CSMD1: variants seen among roughly 807,000 people sequenced by gnomAD.
The protein encoded by CSMD1 is CUB and Sushi multiple domains 1, also known as CUB and sushi domain-containing protein 1.
In CSMD1, 213 loss-of-function variants were observed where a neutral mutation model predicts 417.5. The ratio of observed to expected loss-of-function variants is 0.51; its 90% CI spans 0.46 to 0.57. The LOEUF (loss-of-function observed/expected upper bound fraction) is 0.57, where lower values mean the gene tolerates loss of function less well. CSMD1 is among the 20% of genes least tolerant of loss of function. The probability of loss-of-function intolerance (pLI) is 0.00; values close to 1 mark genes in which losing one functional copy is unlikely to be tolerated. For missense variants in CSMD1, 6,923 were observed against 4,529.7 expected (o/e 1.53, Z -15.17); for synonymous variants, 2,862 against 1,736.8 (o/e 1.65, Z -16.11).
intron 1 of CSMD1, among the ~76,000 whole-genome samples, chr8:4,651,035 C>T (rs886133458): frequency 6.6e-6 from 1 of 152,000 alleles, no homozygotes; most frequent in Non-Finnish European, 1.5e-5. Flanking sequence ...ATTCACTGAT[C>T]AAAGCAGTAC....
At chr8:3,222,604 T>C (rs1349177939) in intron 28 of CSMD1, among the ~76,000 whole-genome samples, 3 of 152,186 alleles carry the variant, frequency 2.0e-5, no homozygotes, top group African/African-American at 7.2e-5. Context: ...CCACCATGCC[T>C]GGCTTCAACT....
In CSMD1 at chr8:3,661,700, T is replaced by C. The variant is rs145594030; in HGVS notation, c.1010-44903A>G. Among the ~76,000 whole-genome samples, 105 of 152,262 alleles carry C rather than the reference T, an allele frequency of 6.9e-4. 1 individual carries two copies. The highest frequency in any genetic ancestry group is 2.3e-3 in the African/African-American group (96 of 41,560). On this transcript the variant is annotated intron_variant, in intron 7 of 69. Coordinates refer to ENST00000635120, the MANE Select transcript of CSMD1 (RefSeq NM_033225.6). ...TTAGTAGAGACGGGATTTCACCATG[T>C]TGGTCAGGCTAGTCTCGAACTCCTG...
intron 3 of CSMD1, among the ~76,000 whole-genome samples, chr8:4,044,589 A>C (rs760761597): frequency 3.7e-4 from 57 of 152,320 alleles, no homozygotes; most frequent in Admixed American, 1.3e-3. Flanking sequence ...AAGGATAATT[A>C]AATCCGGGTC....
In CSMD1 at chr8:4,751,688, C is replaced by T. The variant is rs531941247; in HGVS notation, c.86-114130G>A. Among the ~76,000 whole-genome samples the T allele has an allele frequency of 1.5e-4, 23 of 152,196 alleles. No homozygotes were observed. In the South Asian group the frequency reaches 4.6e-3, roughly 30 times the overall value. ...TTTAACATTTTTAATGGTCAGCTAC[C>T]CTTTCTCTGAAACACAGACCAATTT... On this transcript the variant is annotated intron_variant, in intron 1 of 69. Coordinates refer to ENST00000635120, the MANE Select transcript of CSMD1 (RefSeq NM_033225.6).
At chr8:4,943,374 T>C (rs1236421317) in intron 1 of CSMD1, among the ~76,000 whole-genome samples, 1 of 151,916 alleles carries the variant, frequency 6.6e-6, no homozygotes, top group Non-Finnish European at 1.5e-5. Context: ...TGGACGCCTG[T>C]AGTCCCAGTT....
In CSMD1 at chr8:3,343,401, T is replaced by C; in HGVS notation, c.3524A>G (p.Lys1175Arg). ...TAGGATCAGCCCCAGAAGTTCATTT[T>C]TAGTGAACGTGCCCAGTGGACGTGA... is the stretch of plus-strand genomic sequence containing the variant. ...SSSRPLGTFT[K>R]NELLGLILNS... Residue 1175 changes from lysine to arginine, a missense_variant, in exon 23 of 70, where the codon AAA becomes AGA. Physicochemically the swap from Lys to Arg is conservative, Grantham distance 26. Coordinates refer to ENST00000635120, the MANE Select transcript of CSMD1 (RefSeq NM_033225.6). The C allele has an allele frequency of 6.2e-7, 1 of 1,613,852 alleles. No homozygotes were observed. Among genetic ancestry groups the C allele is most frequent in the Non-Finnish European group, 8.5e-7 (1 of 1,179,766 alleles).
intron 9 of CSMD1, among the ~76,000 whole-genome samples, chr8:3,583,815 A>G (rs1450286905): frequency 6.6e-6 from 1 of 152,046 alleles, no homozygotes; most frequent in Non-Finnish European, 1.5e-5. Flanking sequence ...AGGTCAGAAC[A>G]CAAGTATTAG....
intron 3 of CSMD1, among the ~76,000 whole-genome samples, chr8:4,114,862 C>G (rs1802049960): frequency 6.6e-6 from 1 of 152,138 alleles, no homozygotes; most frequent in South Asian, 2.1e-4. Flanking sequence ...GCTGCAATCT[C>G]ATGATAAAAC....
intron 4 of CSMD1, among the ~76,000 whole-genome samples, chr8:4,021,460 T>C (rs896535766): frequency 6.6e-6 from 1 of 152,168 alleles, no homozygotes; most frequent in African/African-American, 2.4e-5. Flanking sequence ...ACCTGGCTTT[T>C]GTTGGTTAAG....
chr8:4,490,440 A>C (rs1017860270), intron 2 of CSMD1, among the ~76,000 whole-genome samples: 3 of 152,162 alleles, frequency 2.0e-5, no homozygotes, highest in Non-Finnish European at 4.4e-5. Flanking sequence ...ATTGGTTTTA[A>C]CTTTTAGTTT....
At chr8:4,466,625 T>C (rs1163734680) in intron 2 of CSMD1, among the ~76,000 whole-genome samples, 5 of 152,214 alleles carry the variant, frequency 3.3e-5, no homozygotes, top group African/African-American at 7.2e-5. Flanking sequence ...GTTCAATTTT[T>C]TGACTTTATT....
At chr8:4,624,229 C>T (rs922760225) in intron 2 of CSMD1, among the ~76,000 whole-genome samples, 2 of 152,094 alleles carry the variant, frequency 1.3e-5, no homozygotes, top group African/African-American at 2.4e-5. Flanking sequence ...CCCCTGATAA[C>T]GTGCAAGTAC....
chr8:3,380,275 T>A, intron 18 of CSMD1, among the ~76,000 whole-genome samples: 1 of 152,118 alleles, frequency 6.6e-6, no homozygotes, highest in East Asian at 1.9e-4. Flanking sequence ...ACAGGAACAC[T>A]TTTACACTGT....
At chr8:4,013,438 T>C (rs1796373832) in intron 4 of CSMD1, among the ~76,000 whole-genome samples, 1 of 152,126 alleles carries the variant, frequency 6.6e-6, no homozygotes, top group African/African-American at 2.4e-5. Flanking sequence ...ATTCCGGTTT[T>C]CTACTATCAG....
At chr8:4,100,452 T>TTA (rs1315322680) in intron 3 of CSMD1, among the ~76,000 whole-genome samples, 1 of 152,154 alleles carries the variant, frequency 6.6e-6, no homozygotes, top group East Asian at 1.9e-4. Flanking sequence ...CACTATCCTT[T>TTA]TATCTCCAAA....
At chr8:3,675,756 G>C (rs971633993) in intron 7 of CSMD1, among the ~76,000 whole-genome samples, 1 of 152,150 alleles carries the variant, frequency 6.6e-6, no homozygotes, top group East Asian at 1.9e-4. Flanking sequence ...TCTCAAAACT[G>C]TGAGAAATAT....
chr8:4,718,513 T>G (rs1808837033), intron 1 of CSMD1, among the ~76,000 whole-genome samples: 2 of 152,074 alleles, frequency 1.3e-5, no homozygotes, highest in African/African-American at 4.8e-5. Context: ...CGCTGTCAAT[T>G]AATATTTTAC....
chr8:4,340,365 A>G (rs779236525), intron 3 of CSMD1, among the ~76,000 whole-genome samples: 2 of 152,014 alleles, frequency 1.3e-5, no homozygotes, highest in Non-Finnish European at 2.9e-5. Context: ...CACCCTAGTT[A>G]AAAATGTAGA....
chr8:3,919,763 G>A (rs1178908854), intron 5 of CSMD1, among the ~76,000 whole-genome samples: 1 of 152,028 alleles, frequency 6.6e-6, no homozygotes, highest in Non-Finnish European at 1.5e-5. Flanking sequence ...TCCAATCCAG[G>A]AACACAAGCT....
Sources: gnomAD v4.1 joint callset for allele counts (sites outside exome capture counted in the v4.1 genomes callset) on GRCh38, gnomAD v4.1.1 for gene constraint, MANE v1.5 for transcripts, NCBI Gene and HGNC (gene_info 2026-07-23, HGNC 2026-07-21) for gene names.